EPB42: variants seen among roughly 807,000 people sequenced by gnomAD.
The protein encoded by EPB42 is protein 4.2.
Under a neutral mutation model 76.9 loss-of-function variants are expected in EPB42, and 49 were observed. That is an observed-to-expected ratio of 0.64 (90% CI 0.51 to 0.81). The LOEUF (loss-of-function observed/expected upper bound fraction) is 0.81, where lower values mean the gene tolerates loss of function less well. Among genes scored for constraint, EPB42 ranks in the 30% least tolerant of loss-of-function variants. The pLI, the probability that EPB42 is intolerant of heterozygous loss-of-function variation, is 0.00. For missense variants in EPB42, 731 were observed against 867.6 expected, an observed-to-expected ratio of 0.84 and a Z score of 1.98; for synonymous variants, 310 against 338.4, an observed-to-expected ratio of 0.92 and a Z score of 0.92.
At chr15:43,198,563 C>T (rs1004268691) in intron 12 of EPB42, among the ~76,000 whole-genome samples, 3 of 151,960 alleles carry the variant, frequency 2.0e-5, no homozygotes, top group African/African-American at 7.3e-5. Context: ...GGAAGCAGAG[C>T]GTAAAAGTTT....
intron 1 of EPB42, among the ~76,000 whole-genome samples, chr15:43,220,432 C>T (rs140581953): frequency 5.3e-5 from 8 of 152,184 alleles, no homozygotes; most frequent in African/African-American, 1.9e-4. Context: ...AACACTTATG[C>T]TATGATGACC....
intron 1 of EPB42, among the ~76,000 whole-genome samples, chr15:43,217,869 G>T (rs1030181865): frequency 2.0e-5 from 3 of 152,200 alleles, no homozygotes; most frequent in Admixed American, 2.0e-4. Flanking sequence ...TAGAGGGGAA[G>T]GATGTTCTAC....
At chr15:43,208,591 T>G in intron 7 of EPB42, 46 bp downstream of exon 7, 1 of 1,613,408 alleles carries the variant, frequency 6.2e-7, no homozygotes, top group Middle Eastern at 1.7e-4. Context: ...TATGCAGGGT[T>G]GGAGCCCTTC....
chr15:43,218,874 A>T (rs985207374), intron 1 of EPB42, among the ~76,000 whole-genome samples: 10 of 152,148 alleles, frequency 6.6e-5, no homozygotes, highest in African/African-American at 2.4e-4. Flanking sequence ...AGGCAATGAT[A>T]CCTTCGTGTT....
intron 2 of EPB42, among the ~76,000 whole-genome samples, chr15:43,215,557 T>C (rs2042365675): frequency 6.6e-6 from 1 of 152,344 alleles, no homozygotes; most frequent in Admixed American, 6.5e-5. Context: ...AATAGTAACT[T>C]CTTCATGGTC....
chr15:43,212,679 G>T (rs978629753), intron 3 of EPB42, among the ~76,000 whole-genome samples: 8 of 152,318 alleles, frequency 5.3e-5, no homozygotes, highest in African/African-American at 1.9e-4. Context: ...GTGTCCAAGT[G>T]AGTCTAGGGC....
intron 12 of EPB42, 56 bp from the exon 13 acceptor site, chr15:43,197,520 G>A: frequency 6.2e-7 from 1 of 1,603,090 alleles, no homozygotes; most frequent in Middle Eastern, 2.1e-4. Flanking sequence ...TGCTCTGCTG[G>A]TCCCAGTGAC....
At chr15:43,197,514 C>T in intron 12 of EPB42, 50 bp from the exon 13 acceptor site, 1 of 1,608,604 alleles carries the variant, frequency 6.2e-7, no homozygotes, top group Non-Finnish European at 8.5e-7. Context: ...GTTCATTGCT[C>T]TGCTGGTCCC....
At chr15:43,220,188 G>A (rs1309228717) in intron 1 of EPB42, among the ~76,000 whole-genome samples, 11 of 151,994 alleles carry the variant, frequency 7.2e-5, no homozygotes, top group East Asian at 1.9e-4. Context: ...CTGCCTACCC[G>A]CTTGCTTCTC....
At chr15:43,204,820 T>G (rs1016445286) in intron 10 of EPB42, among the ~76,000 whole-genome samples, 1 of 152,040 alleles carries the variant, frequency 6.6e-6, no homozygotes, top group African/African-American at 2.4e-5. Flanking sequence ...GTGGGGAGCT[T>G]TACAAAACAA....
chr15:43,218,296 C>G (rs1211595358), intron 1 of EPB42, among the ~76,000 whole-genome samples: 1 of 152,146 alleles, frequency 6.6e-6, no homozygotes, highest in East Asian at 1.9e-4. Context: ...TCCGAACCCA[C>G]GTAATGACCA....
At position 43,207,398 on chromosome 15, in the gene EPB42, C is replaced by A. The variant is rs762460371; in HGVS notation, c.1119G>T (p.Glu373Asp). ...CDLVPVRAVK[E>D]GTLGLTPAVS... is the part of the protein sequence containing the mutation. ...CTGCTGGGGTCAGCCCCAGCGTCCCCTCCTTGACTGCTCTGACCGGCACCA... is the reference window on the plus strand; with the variant it reads ...CTGCTGGGGTCAGCCCCAGCGTCCCATCCTTGACTGCTCTGACCGGCACCA... Residue 373 changes from glutamate to aspartate, a missense_variant, in exon 9 of 13, where the codon GAG becomes GAT. Coordinates refer to ENST00000441366, the MANE Select transcript of EPB42 (RefSeq NM_001114134.2). The A allele has an allele frequency of 1.9e-6, 3 of 1,614,150 alleles. No homozygotes were observed. Among genetic ancestry groups the A allele is most frequent in the South Asian group, 1.1e-5 (1 of 91,072 alleles).
intron 3 of EPB42, among the ~76,000 whole-genome samples, chr15:43,214,726 C>T (rs553454662): frequency 2.0e-5 from 3 of 152,226 alleles, no homozygotes; most frequent in South Asian, 2.1e-4. Flanking sequence ...ACCTCATTCC[C>T]GAGGCCCTCT....
intron 4 of EPB42, among the ~76,000 whole-genome samples, chr15:43,211,080 G>A (rs1468660686): frequency 6.6e-6 from 1 of 152,190 alleles, no homozygotes. Flanking sequence ...GGATGGTGAG[G>A]AGTTGGAACA....
In EPB42 at chr15:43,220,940, T is replaced by C; in HGVS notation, c.-115A>G. On this transcript the variant is annotated 5_prime_UTR_variant, in exon 1 of 13. Transcript: ENST00000441366. The stretch of plus-strand genomic sequence containing the variant: ...CCAGACAGAAAATATGAAGGCACTT[T>C]TGTTGGCTTAAGAATCTGGAAATAG... 6.3e-6 allele frequency: 6 copies of C among 946,158 alleles called. No individual in the cohort carries two copies. The highest frequency in any genetic ancestry group is 1.3e-5 in the South Asian group (1 of 76,278). 58.6% of individuals were successfully genotyped at this position (946,158 alleles called of 1,614,324 possible).
chr15:43,214,966 G>T, intron 3 of EPB42, 129 bp downstream of exon 3: 1 of 808,416 alleles, frequency 1.2e-6, no homozygotes, highest in Non-Finnish European at 2.1e-6. Flanking sequence ...GGCACAGACT[G>T]GGTGTTGGTG....
In EPB42 at chr15:43,201,879, C is replaced by A. The variant is rs375519718; in HGVS notation, c.1878G>T (p.Leu626=). ...TCTCTCTGTGAATGAGCCCCCTTCCCAGGATGGAGATCACACAGTCCTCCA... is the reference window on the plus strand; with the variant it reads ...TCTCTCTGTGAATGAGCCCCCTTCCAAGGATGGAGATCACACAGTCCTCCA... ...APMEDCVISI[L]GRGLIHRERS... is the part of the protein sequence containing the mutation. The change falls in exon 12 of 13, where the codon CTG becomes CTT. Residue 626 remains leucine (L), a synonymous_variant. Transcript: ENST00000441366. 1.2e-5 allele frequency: 20 copies of A among 1,614,092 alleles called. No individual in the cohort carries two copies. The highest frequency in any genetic ancestry group is 1.6e-4 in the Middle Eastern group (1 of 6,084).
chr15:43,206,417 T>C lies in EPB42; in HGVS notation c.1531A>G (p.Ile511Val), dbSNP rs575242017. The C allele has an allele frequency of 1.7e-5, 27 of 1,613,990 alleles. No homozygotes were observed. The highest frequency in any genetic ancestry group is 4.5e-5 in the East Asian group (2 of 44,884). ...SEQEKAVQLAIGVQAVHYNGV... is the reference protein window; with the variant it reads ...SEQEKAVQLAVGVQAVHYNGV... Reference sequence around the variant, plus strand: ...TTGTAGTGTACAGCCTGGACCCCAATTGCCAGCTGCACTGCCTTCTCCTGC... The same window carrying C: ...TTGTAGTGTACAGCCTGGACCCCAACTGCCAGCTGCACTGCCTTCTCCTGC... Residue 511 changes from isoleucine to valine, a missense_variant, in exon 10 of 13, where the codon ATT (isoleucine) becomes GTT (valine). Physicochemically the swap from Ile to Val is conservative, Grantham distance 29. Coordinates refer to ENST00000441366, the MANE Select transcript of EPB42 (RefSeq NM_001114134.2). The surrounding 1 kb of genome is among the most constrained non-coding windows in gnomAD (Gnocchi z 4.7).
chr15:43,222,494 C>T (rs191635274), upstream of EPB42, among the ~76,000 whole-genome samples: 1 of 152,336 alleles, frequency 6.6e-6, no homozygotes, highest in Admixed American at 6.5e-5. Flanking sequence ...CTGTGTAGGA[C>T]AACTCAACTT....
Sources: allele counts gnomAD v4.1 joint callset (sites outside exome capture counted in the v4.1 genomes callset), GRCh38; gene constraint gnomAD v4.1.1; non-coding constraint Gnocchi (gnomAD v3.1); transcripts MANE v1.5; gene names NCBI Gene and HGNC (gene_info 2026-07-23, HGNC 2026-07-21).